B3GNT4: variants seen among roughly 807,000 people sequenced by gnomAD.
B3GNT4 encodes the protein N-acetyllactosaminide beta-1,3-N-acetylglucosaminyltransferase 4.
B3GNT4 carries 2 observed loss-of-function variants against 2.7 expected under a neutral mutation model. The observed-to-expected ratio is 0.73, with a 90% CI of 0.30 to 2.31. The LOEUF is 2.31. Ranked by LOEUF, B3GNT4 falls within the 30% of genes most tolerant of loss-of-function variation. The pLI is 0.12. For synonymous variants in B3GNT4, 280 were observed against 203.4 expected, an observed-to-expected ratio of 1.38 and a Z score of -3.20; for missense variants, 708 against 490.9, an observed-to-expected ratio of 1.44 and a Z score of -4.18.
chr12:122,208,437 C>G lies in B3GNT4; in HGVS notation c.*1049C>G, dbSNP rs1203281941. On this transcript the variant is annotated 3_prime_UTR_variant, in exon 3 of 3. Transcript: ENST00000324189. ...GACTCAGCCCGCTCCTCCCCTTCCT[C>G]CTGTGTTTTCTGACGGAGCTCTTCT... is the stretch of plus-strand genomic sequence containing the variant. 2.5e-6 allele frequency: 4 copies of G among 1,614,018 alleles called. No individual in the cohort carries two copies. Among genetic ancestry groups the G allele is most frequent in the Non-Finnish European group, 3.4e-6 (4 of 1,180,028 alleles).
Position 122,206,303 on chromosome 12 carries a change from G to A in B3GNT4, c.67-15G>A, listed in dbSNP as rs1365837171. Reference sequence around the variant, plus strand: ...CCCGGGGCTGGGCCCTGCTCAGGTGGCTCTCTCCTTGCAGGGACCGGCGAT... The same window carrying A: ...CCCGGGGCTGGGCCCTGCTCAGGTGACTCTCTCCTTGCAGGGACCGGCGAT... On this transcript the variant is annotated splice_polypyrimidine_tract_variant and intron_variant, in intron 2 of 2. Coordinates refer to ENST00000324189, the MANE Select transcript of B3GNT4 (RefSeq NM_030765.4). 9 of 1,534,922 alleles carry A rather than the reference G, an allele frequency of 5.9e-6. No individual in the cohort carries two copies. In the African/African-American group the frequency reaches 1.2e-4, roughly 21 times the overall value.
chr12:122,203,830 G>A (rs929815351), intron 1 of B3GNT4, 29 bp downstream of exon 1: 2 of 161,594 alleles, frequency 1.2e-5, no homozygotes, highest in Non-Finnish European at 2.7e-5. Flanking sequence ...CGCCGCTGCT[G>A]TGAGGGAGGC....
rs750570711 is a variant in B3GNT4, at chr12:122,206,336, AGGCTGTGCTGGCTGGTCTCGTACAGCTT to A, written c.96_123del (p.Trp32CysfsTer9). On this transcript the variant is annotated frameshift_variant, in exon 3 of 3. Coordinates refer to ENST00000324189, the MANE Select transcript of B3GNT4 (RefSeq NM_030765.4). LOFTEE classifies it low-confidence loss of function (END_TRUNC). ...CTTGCAGGGACCGGCGATGCTCTGC[AGGCTGTGCTGGCTGGTCTCGTACAGCTT>A]GGCTGTGCTGTTGCTCGGCTGCCTG... 1.6e-5 allele frequency: 25 copies of A among 1,582,620 alleles called. No homozygotes were observed. The highest frequency in any genetic ancestry group is 1.4e-4 in the South Asian group (12 of 86,590).
At chr12:122,204,905 C>T (rs1241977287) in intron 2 of B3GNT4, 1 of 553,090 alleles carries the variant, frequency 1.8e-6, no homozygotes, top group South Asian at 2.2e-5. Flanking sequence ...CCCTGCACGC[C>T]TGTAGTCCCA....
At position 122,208,048 on chromosome 12, in the gene B3GNT4, T is replaced by C. The variant is rs1413384554; in HGVS notation, c.*660T>C. ...GACTGAAAACAGGTTAAACAGTTGC[T>C]GAACTTAAGGGCATGACAAAAAGGA... is the stretch of plus-strand genomic sequence containing the variant. On this transcript the variant is annotated 3_prime_UTR_variant, in exon 3 of 3. Transcript: ENST00000324189. The C allele has an allele frequency of 1.8e-6, 1 of 553,082 alleles. No individual in the cohort carries two copies. Among genetic ancestry groups the C allele is most frequent in the Non-Finnish European group, 3.4e-6 (1 of 291,864 alleles). 34.3% of individuals were successfully genotyped at this position (553,082 alleles called of 1,614,324 possible).
rs1566018193 is a variant in B3GNT4 at position 122,207,426 on chromosome 12, G to A, written c.*38G>A. 2.0e-6 allele frequency: 3 copies of A among 1,495,416 alleles called. No homozygotes were observed. Among genetic ancestry groups the A allele is most frequent in the Admixed American group, 4.8e-5 (2 of 41,744 alleles). 92.6% of individuals were successfully genotyped at this position (1,495,416 alleles called of 1,614,324 possible). A position where few individuals can be genotyped will look rare whatever the true frequency, so the allele number is the denominator to read the frequency against. On this transcript the variant is annotated 3_prime_UTR_variant, in exon 3 of 3. Transcript: ENST00000324189. Reference sequence around the variant, plus strand: ...GCAACAGCCTGAGAGTGGACTCAGTGTTGATTCTCTATCGTGATGCGAAAT... The same window carrying A: ...GCAACAGCCTGAGAGTGGACTCAGTATTGATTCTCTATCGTGATGCGAAAT...
At position 122,204,478 on chromosome 12, in the gene B3GNT4, C is replaced by T. The variant is rs1439166625; in HGVS notation, c.-97-44C>T. The T allele has an allele frequency of 4.0e-6, 3 of 743,126 alleles. 1 individual carries two copies. In the South Asian group the frequency reaches 4.4e-5, roughly 11 times the overall value. The allele number at this position is 743,126 out of a possible 1,614,324, so 46.0% of individuals were successfully genotyped here. ...ACCAAGCCACCTGCTGTGCGCCCTT[C>T]TCGGTGAATGGCACCGCCGCCCGCC... is the stretch of plus-strand genomic sequence containing the variant. On this transcript the variant is annotated intron_variant, in intron 1 of 2. Transcript: ENST00000324189.
At chr12:122,204,456 A>G in intron 1 of B3GNT4, 66 bp from the exon 2 acceptor site, 1 of 688,156 alleles carries the variant, frequency 1.5e-6, no homozygotes, top group East Asian at 2.8e-5. Flanking sequence ...GGACGGAACC[A>G]AGCCACCTGC....
rs886768293 is a variant in B3GNT4 at position 122,208,869 on chromosome 12, C to A, written c.*1481C>A. 2 of 472,304 alleles carry A rather than the reference C, an allele frequency of 4.2e-6. No homozygotes were observed. The highest frequency in any genetic ancestry group is 5.2e-5 in the East Asian group (1 of 19,302). The allele number at this position is 472,304 out of a possible 1,614,324, so 29.3% of individuals were successfully genotyped here. ...ATAGCTACAGAGCTTTTAGTACAGA[C>A]CTTTGATTAATTTTTTTAACTACAC... On this transcript the variant is annotated 3_prime_UTR_variant, in exon 3 of 3. Coordinates refer to ENST00000324189, the MANE Select transcript of B3GNT4 (RefSeq NM_030765.4).
At position 122,208,503 on chromosome 12, in the gene B3GNT4, G is replaced by A; in HGVS notation, c.*1115G>A. The A allele has an allele frequency of 6.2e-7, 1 of 1,614,124 alleles. No homozygotes were observed. Among genetic ancestry groups the A allele is most frequent in the Non-Finnish European group, 8.5e-7 (1 of 1,180,038 alleles). ...AGCTTGGTTTCTGCTTTCCGGGAGA[G>A]CTGGTGCACCTCTTCCACCTGCAGT... On this transcript the variant is annotated 3_prime_UTR_variant, in exon 3 of 3. Coordinates refer to ENST00000324189, the MANE Select transcript of B3GNT4 (RefSeq NM_030765.4).
rs201025149 is a variant in B3GNT4 at position 122,206,834 on chromosome 12, C to T, written c.583C>T (p.Leu195Phe). Reference protein sequence around the residue: ...DFTEDFFNLTLKELHLQRWVV... With the variant: ...DFTEDFFNLTFKELHLQRWVV... ...CACTGAGGACTTCTTCAACCTGACG[C>T]TCAAGGAGCTGCACCTGCAGCGCTG... Residue 195 changes from leucine (L) to phenylalanine (F), a missense_variant, in exon 3 of 3, where the codon CTC becomes TTC. Physicochemically the swap from Leu to Phe is conservative, Grantham distance 22 (BLOSUM62 0). Transcript: ENST00000324189. 16 of 1,613,466 alleles carry T rather than the reference C, an allele frequency of 9.9e-6. No individual in the cohort carries two copies. The African/African-American group carries it at 1.7e-4, about 17-fold the overall frequency.
rs546362213 is a variant in B3GNT4, at chr12:122,207,771, GTGTTAAGTCCTGTTGA to G, written c.*400_*415del. The G allele has an allele frequency of 6.9e-4, 327 of 474,732 alleles. No individual in the cohort carries two copies. Among genetic ancestry groups the G allele is most frequent in the Non-Finnish European group, 1.0e-3 (246 of 241,038 alleles). 29.4% of individuals were successfully genotyped at this position (474,732 alleles called of 1,614,324 possible). A position where few individuals can be genotyped will look rare whatever the true frequency, so the allele number is the denominator to read the frequency against. On this transcript the variant is annotated 3_prime_UTR_variant, in exon 3 of 3. Coordinates refer to ENST00000324189, the MANE Select transcript of B3GNT4 (RefSeq NM_030765.4). ...AAAGAAAGGAAGGAACAAGAGGCCT[GTGTTAAGTCCTGTTGA>G]TGTTAAGTCCTGTTGAGAGCACCAG...
At position 122,207,734 on chromosome 12, in the gene B3GNT4, A is replaced by ATTCTC. The variant is rs1323149553; in HGVS notation, c.*347_*348insTCTCT. 4 of 504,284 alleles carry ATTCTC rather than the reference A, an allele frequency of 7.9e-6. No homozygotes were observed. In the Admixed American group the frequency reaches 9.1e-5, roughly 11 times the overall value. 31.2% of individuals were successfully genotyped at this position (504,284 alleles called of 1,614,324 possible). On this transcript the variant is annotated 3_prime_UTR_variant, in exon 3 of 3. Transcript: ENST00000324189. Reference sequence around the variant, plus strand: ...CTTACACTCTTCTCCTTTGGATACAATAGAGAAACGGAAAGAAAGGAAGGA... The same window carrying ATTCTC: ...CTTACACTCTTCTCCTTTGGATACAATTCTCTAGAGAAACGGAAAGAAAGGAAGGA...
rs745313481 is a variant in B3GNT4 at position 122,206,770 on chromosome 12, TGA to T, written c.523_524del (p.Ser175Ter). On this transcript the variant is annotated frameshift_variant, in exon 3 of 3. Transcript: ENST00000324189. LOFTEE classifies it low-confidence loss of function (END_TRUNC). Reference protein sequence around the residue: ...SAPPAQLLAYESREFDDILQW... With the variant: ...SAPPAQLLAYXSREFDDILQW... ...CTCCCCCAGCCCAGCTGCTGGCCTA[TGA>T]GAGTAGGGAGTTTGATGACATCCTC... 21 of 1,607,014 alleles carry T rather than the reference TGA, an allele frequency of 1.3e-5. No homozygotes were observed. Among genetic ancestry groups the T allele is most frequent in the East Asian group, 4.5e-5 (2 of 44,800 alleles).
chr12:122,204,855 C>T (rs556588539), intron 2 of B3GNT4, 171 bp downstream of exon 2: 18 of 602,006 alleles, frequency 3.0e-5, no homozygotes, highest in African/African-American at 3.0e-4. Flanking sequence ...GCCCAGGCAA[C>T]AAAAGATACC....
At position 122,207,057 on chromosome 12, in the gene B3GNT4, C is replaced by A; in HGVS notation, c.806C>A (p.Ala269Asp). 6.2e-7 allele frequency: 1 copy of A among 1,613,788 alleles called. No individual in the cohort carries two copies. Among genetic ancestry groups the A allele is most frequent in the Non-Finnish European group, 8.5e-7 (1 of 1,179,874 alleles). ...KYFIPPSMYRATHYPPYAGGG... is the reference protein window; with the variant it reads ...KYFIPPSMYRDTHYPPYAGGG... ...TTCATCCCACCCTCAATGTACAGGG[C>A]CACCCACTACCCACCCTATGCTGGT... Residue 269 changes from alanine (A) to aspartate (D), a missense_variant, in exon 3 of 3, where the codon GCC becomes GAC. Transcript: ENST00000324189.
Position 122,204,511 on chromosome 12 carries a change from C to T in B3GNT4, c.-97-11C>T. On this transcript the variant is annotated splice_polypyrimidine_tract_variant and intron_variant, in intron 1 of 2. Transcript: ENST00000324189. ...ATGGCACCGCCGCCCGCCCGGGCCT[C>T]TCGTCCACAGCCCGCGGTGCTCGCA... 1.0e-6 allele frequency: 1 copy of T among 972,518 alleles called. No individual in the cohort carries two copies. The highest frequency in any genetic ancestry group is 1.6e-5 in the African/African-American group (1 of 62,438). 60.2% of individuals were successfully genotyped at this position (972,518 alleles called of 1,614,324 possible). A position where few individuals can be genotyped will look rare whatever the true frequency, so the allele number is the denominator to read the frequency against.
rs147517845 is a variant in B3GNT4, at chr12:122,207,120, G to A, written c.869G>A (p.Arg290His). Residue 290 changes from arginine (R) to histidine (H), a missense_variant, in exon 3 of 3, where the codon CGC becomes CAC. Physicochemically the swap from Arg to His is conservative, Grantham distance 29. Coordinates refer to ENST00000324189, the MANE Select transcript of B3GNT4 (RefSeq NM_030765.4). ...GYVMSRATVR[R>H]LQAIMEDAEL... ...GTCATGTCCAGAGCCACAGTGCGGC[G>A]CCTCCAGGCTATCATGGAAGATGCT... 257 of 1,614,134 alleles carry A rather than the reference G, an allele frequency of 1.6e-4. No individual in the cohort carries two copies. The highest frequency in any genetic ancestry group is 6.6e-4 in the Middle Eastern group (4 of 6,062).
In B3GNT4 at chr12:122,207,577, T is replaced by C; in HGVS notation, c.*189T>C. 3.0e-6 allele frequency: 2 copies of C among 668,116 alleles called. No individual in the cohort carries two copies. The highest frequency in any genetic ancestry group is 5.0e-6 in the Non-Finnish European group (2 of 397,198). 41.4% of individuals were successfully genotyped at this position (668,116 alleles called of 1,614,324 possible). ...CATATGTTGAATGGGAGCCAAAGTG[T>C]AGCAAATGCTGCCAGGAACCTGTCG... On this transcript the variant is annotated 3_prime_UTR_variant, in exon 3 of 3. Coordinates refer to ENST00000324189, the MANE Select transcript of B3GNT4 (RefSeq NM_030765.4).
Sources: gnomAD v4.1 joint callset for allele counts on GRCh38, gnomAD v4.1.1 for gene constraint, MANE v1.5 for transcripts, NCBI Gene and HGNC (gene_info 2026-07-23, HGNC 2026-07-21) for gene names.